SGIP1: variants seen among roughly 807,000 people sequenced by gnomAD.
SGIP1 encodes SH3-containing GRB2-like protein 3-interacting protein 1.
Under a neutral mutation model 107.5 loss-of-function variants are expected in SGIP1, and 38 were observed. The observed-to-expected ratio is 0.35, with a 90% CI of 0.27 to 0.46. The LOEUF (loss-of-function observed/expected upper bound fraction) is 0.46. Ranked by LOEUF, SGIP1 falls within the 20% of genes least tolerant of loss-of-function variation. SGIP1 has a pLI of 1.00. For missense variants in SGIP1, 929 were observed against 1,019.5 expected, an observed-to-expected ratio of 0.91 and a Z score of 1.21; for synonymous variants, 365 against 366.1, an observed-to-expected ratio of 1.00 and a Z score of 0.03.
At chr1:66,591,561 T>G (rs780005427) in intron 1 of SGIP1, among the ~76,000 whole-genome samples, 13 of 152,124 alleles carry the variant, frequency 8.5e-5, no homozygotes, top group Non-Finnish European at 1.6e-4. Context: ...CATCCCCCAT[T>G]AGAGTGTGAA....
At chr1:66,552,386 C>A (rs1240437374) in intron 1 of SGIP1, among the ~76,000 whole-genome samples, 1 of 152,076 alleles carries the variant, frequency 6.6e-6, no homozygotes, top group African/African-American at 2.4e-5. Flanking sequence ...TTCTTTTCTG[C>A]ACTGTGTGCT....
intron 1 of SGIP1, among the ~76,000 whole-genome samples, 184 bp downstream of exon 1, chr1:66,534,552 G>A (rs966583905): frequency 6.6e-6 from 1 of 152,194 alleles, no homozygotes; most frequent in Non-Finnish European, 1.5e-5. Context: ...AAACCACAGG[G>A]CTGCTGCCTA....
intron 1 of SGIP1, among the ~76,000 whole-genome samples, chr1:66,595,493 G>A (rs966232119): frequency 6.6e-6 from 1 of 152,158 alleles, no homozygotes. Flanking sequence ...TATTAATCAA[G>A]TTTTCACCAT....
chr1:66,574,367 C>T (rs1159632), intron 1 of SGIP1, among the ~76,000 whole-genome samples: 23,294 of 152,036 alleles, frequency 0.15, 1,859 homozygotes, highest in Admixed American at 0.19. Flanking sequence ...TGGCAAATGG[C>T]TAGCCATTCT....
intron 21 of SGIP1, among the ~76,000 whole-genome samples, chr1:66,734,694 C>T (rs917236184): frequency 1.1e-4 from 16 of 151,846 alleles, no homozygotes; most frequent in South Asian, 8.3e-4. Context: ...TTAATAGAGA[C>T]GGGATTTCAC....
At chr1:66,622,376 G>A (rs1240429630) in intron 1 of SGIP1, among the ~76,000 whole-genome samples, 2 of 152,154 alleles carry the variant, frequency 1.3e-5, no homozygotes, top group Non-Finnish European at 2.9e-5. Flanking sequence ...CTGGTAGCTG[G>A]TAGTATTCCA....
At chr1:66,703,150 T>C (rs559390680) in intron 18 of SGIP1, among the ~76,000 whole-genome samples, 51 of 152,336 alleles carry the variant, frequency 3.3e-4, no homozygotes, top group South Asian at 4.1e-4. Flanking sequence ...TGAGCTCTTC[T>C]AGCTACAAGC....
At chr1:66,533,597 AAG>A (rs1228711963), upstream of SGIP1, 1 of 152,064 alleles carries the variant, frequency 6.6e-6, no homozygotes, top group East Asian at 1.9e-4. Flanking sequence ...GGAGGGGAGA[AAG>A]AGAGACGGAG....
chr1:66,675,542 T>C (rs1260497959), intron 12 of SGIP1, among the ~76,000 whole-genome samples: 23 of 111,418 alleles, frequency 2.1e-4, no homozygotes, highest in African/African-American at 9.3e-4. Context: ...TTTTTCTTTC[T>C]TTTTTTTTTT....
At position 66,684,588 on chromosome 1, in the gene SGIP1, T is replaced by G. The variant is rs2087738042; in HGVS notation, c.1315+2219T>G. On this transcript the variant is annotated intron_variant, in intron 15 of 24. Coordinates refer to ENST00000371037, the MANE Select transcript of SGIP1 (RefSeq NM_032291.4). ...AGACTCTCAGTCTCCTAAAAGGACA[T>G]TTAAAGAACACCCACTTCCCTCCAA... Among the ~76,000 whole-genome samples the G allele has an allele frequency of 2.6e-5, 4 of 152,342 alleles. No homozygotes were observed. The South Asian group carries it at 8.3e-4, about 32-fold the overall frequency.
intron 1 of SGIP1, among the ~76,000 whole-genome samples, chr1:66,571,326 A>T (rs1479575112): frequency 6.6e-6 from 1 of 151,984 alleles, no homozygotes; most frequent in African/African-American, 2.4e-5. Flanking sequence ...AATCATTACA[A>T]CCTAGTACAA....
At chr1:66,547,833 G>A (rs1253666210) in intron 1 of SGIP1, among the ~76,000 whole-genome samples, 1 of 152,066 alleles carries the variant, frequency 6.6e-6, no homozygotes, top group East Asian at 1.9e-4. Flanking sequence ...GGCGGTGAAG[G>A]CTACTTTAAG....
Position 66,749,892 on chromosome 1 carries a change from G to A in SGIP1, c.*6797G>A, listed in dbSNP as rs891598928. On this transcript the variant is annotated 3_prime_UTR_variant, in exon 25 of 25. Coordinates refer to ENST00000371037, the MANE Select transcript of SGIP1 (RefSeq NM_032291.4). ...ATTTTTTTCCCTTTTCAAGTTGCTA[G>A]AATGATAATTCATATAGCTGTGTTG... Among the ~76,000 whole-genome samples, 3 of 152,004 alleles carry A rather than the reference G, an allele frequency of 2.0e-5. No individual in the cohort carries two copies. Among genetic ancestry groups the A allele is most frequent in the Non-Finnish European group, 4.4e-5 (3 of 67,964 alleles).
At chr1:66,543,963 A>T (rs761774685) in intron 1 of SGIP1, among the ~76,000 whole-genome samples, 15 of 152,202 alleles carry the variant, frequency 9.9e-5, no homozygotes, top group Non-Finnish European at 1.6e-4. Flanking sequence ...AGGCACAGTA[A>T]GAGATTGGCA....
chr1:66,673,623 A>G (rs2084414170), intron 12 of SGIP1, among the ~76,000 whole-genome samples: 2 of 152,204 alleles, frequency 1.3e-5, no homozygotes, highest in South Asian at 4.1e-4. Context: ...AGTAAAAATT[A>G]CTGCAAGTCT....
Position 66,684,280 on chromosome 1 carries a change from A to G in SGIP1, c.1315+1911A>G, listed in dbSNP as rs974845227. ...ATAAATATTCCAAACTTATTTGACT[A>G]CTGACACCCATCTACACTGCACAGT... On this transcript the variant is annotated intron_variant, in intron 15 of 24. Coordinates refer to ENST00000371037, the MANE Select transcript of SGIP1 (RefSeq NM_032291.4). 4.6e-6 allele frequency: 7 copies of G among 1,523,958 alleles called. No individual in the cohort carries two copies. In the East Asian group the frequency reaches 7.4e-5, roughly 16 times the overall value. The allele number at this position is 1,523,958 out of a possible 1,614,324, so 94.4% of individuals were successfully genotyped here. A position where few individuals can be genotyped will look rare whatever the true frequency, so the allele number is the denominator to read the frequency against.
At chr1:66,643,077 G>A (rs2077058987) in intron 6 of SGIP1, among the ~76,000 whole-genome samples, 1 of 25,412 alleles carries the variant, frequency 3.9e-5, no homozygotes, top group East Asian at 0.022. Flanking sequence ...AGAGGAGAAA[G>A]AGAAAAACGT....
chr1:66,557,578 A>T (rs1028701660), intron 1 of SGIP1, among the ~76,000 whole-genome samples: 5 of 152,120 alleles, frequency 3.3e-5, no homozygotes, highest in African/African-American at 1.2e-4. Flanking sequence ...GAACTGGGTC[A>T]CTTCATTTGG....
chr1:66,743,305 T>A lies in SGIP1; in HGVS notation c.*210T>A, dbSNP rs754072069. On this transcript the variant is annotated 3_prime_UTR_variant, in exon 25 of 25. Coordinates refer to ENST00000371037, the MANE Select transcript of SGIP1 (RefSeq NM_032291.4). ...TTACTTCTAGGTGTAATATTGTTAA[T>A]GGTTTTAAAATGTAATTATTGTATT... 5.6e-5 allele frequency: 25 copies of A among 443,432 alleles called. No homozygotes were observed. Among genetic ancestry groups the A allele is most frequent in the Non-Finnish European group, 9.7e-5 (24 of 248,066 alleles). 27.5% of individuals were successfully genotyped at this position (443,432 alleles called of 1,614,324 possible).
Sources: gnomAD v4.1 joint callset for allele counts (sites outside exome capture counted in the v4.1 genomes callset) on GRCh38, gnomAD v4.1.1 for gene constraint, MANE v1.5 for transcripts, NCBI Gene and HGNC (gene_info 2026-07-23, HGNC 2026-07-21) for gene names.